Variants in FAM53A observed in about 807,000 individuals in gnomAD.
The protein encoded by FAM53A is family with sequence similarity 53 member A, also known as protein FAM53A.
In FAM53A, 28 loss-of-function variants were observed where a neutral mutation model predicts 26.6. That is an observed-to-expected ratio of 1.05 (90% CI 0.78 to 1.45). The LOEUF (loss-of-function observed/expected upper bound fraction) is 1.45, where lower values mean the gene tolerates loss of function less well. Ranked by LOEUF, FAM53A falls within the 40% of genes most tolerant of loss-of-function variation. The pLI, the probability that FAM53A is intolerant of heterozygous loss-of-function variation, is 0.00. For missense variants in FAM53A, 650 were observed against 575.8 expected (o/e 1.13, Z -1.32); for synonymous variants, 290 against 253.1 (o/e 1.15, Z -1.38).
At chr4:1,650,620 C>A (rs1455530208) in intron 4 of FAM53A, among the ~76,000 whole-genome samples, 1 of 151,992 alleles carries the variant, frequency 6.6e-6, no homozygotes, top group East Asian at 2.0e-4. Context: ...CTCAGCCTCC[C>A]AAGTAGCTAG....
chr4:1,598,738 G>A, the FAM53A span, among the ~76,000 whole-genome samples: 1 of 152,212 alleles, frequency 6.6e-6, no homozygotes, highest in Non-Finnish European at 1.5e-5. Flanking sequence ...ACCTTTTAGT[G>A]ATTGCTTCAA....
chr4:1,665,578 C>T (rs1714164142), intron 2 of FAM53A, among the ~76,000 whole-genome samples: 1 of 152,152 alleles, frequency 6.6e-6, no homozygotes, highest in Non-Finnish European at 1.5e-5. Flanking sequence ...TATTCACAGG[C>T]CGTGTTTTAA....
chr4:1,583,695 C>T, the FAM53A span, among the ~76,000 whole-genome samples: 1,626 of 152,322 alleles, frequency 0.011, 10 homozygotes, highest in Middle Eastern at 0.02. Context: ...TCCCTCCTCC[C>T]GGGGCTTGTG....
At chr4:1,614,749 T>C (rs1246865796), downstream of FAM53A, among the ~76,000 whole-genome samples, 1 of 152,086 alleles carries the variant, frequency 6.6e-6, no homozygotes, top group Non-Finnish European at 1.5e-5. Context: ...CGGCCCTGCT[T>C]TATGTGTGGC....
At chr4:1,604,056 C>T in the FAM53A span, among the ~76,000 whole-genome samples, 5 of 152,212 alleles carry the variant, frequency 3.3e-5, no homozygotes, top group East Asian at 3.9e-4. Context: ...GCCCAGGCCA[C>T]ACTGGGGCCA....
Position 1,640,593 on chromosome 4 carries a change from C to A in FAM53A, c.*700G>T. The A allele has an allele frequency of 1.1e-5, 4 of 360,974 alleles. No individual in the cohort carries two copies. The highest frequency in any genetic ancestry group is 2.1e-5 in the Non-Finnish European group (4 of 193,684). The allele number at this position is 360,974 out of a possible 1,614,324, so 22.4% of individuals were successfully genotyped here. ...AGGAAAAACTGAATCAAAATTACGC[C>A]TTAATGTTCCAAGCAACACGAAACC... On this transcript the variant is annotated 3_prime_UTR_variant, in exon 5 of 5. Coordinates refer to ENST00000308132, the MANE Select transcript of FAM53A (RefSeq NM_001174070.3).
the FAM53A span, among the ~76,000 whole-genome samples, chr4:1,598,295 C>T: frequency 2.6e-5 from 4 of 152,242 alleles, no homozygotes; most frequent in African/African-American, 9.6e-5. Context: ...GCCGCAGCTG[C>T]ATGGAGTGTG....
At position 1,680,319 on chromosome 4, in the gene FAM53A, CAAAAAAAAAAAAA is replaced by C. The variant is rs143458191; in HGVS notation, c.-165+3901_-165+3913del. On this transcript the variant is annotated intron_variant, in intron 1 of 4. Coordinates refer to ENST00000308132, the MANE Select transcript of FAM53A (RefSeq NM_001174070.3). ...GGGCAACGAGAGTGAAACTCCGTCT[CAAAAAAAAAAAAA>C]AAAAAAAAAAAAACACACCACTACA... Among the ~76,000 whole-genome samples the C allele has an allele frequency of 8.5e-5, 7 of 82,698 alleles. 1 individual carries two copies. The East Asian group carries it at 2.0e-3, about 23-fold the overall frequency. The allele number at this position is 82,698 out of a possible 152,430, so 54.3% of individuals were successfully genotyped here. A position where few individuals can be genotyped will look rare whatever the true frequency, so the allele number is the denominator to read the frequency against.
At chr4:1,647,719 G>A (rs1560148442) in intron 4 of FAM53A, among the ~76,000 whole-genome samples, 1 of 152,064 alleles carries the variant, frequency 6.6e-6, no homozygotes, top group Non-Finnish European at 1.5e-5. Flanking sequence ...GTGCACATGA[G>A]TGGGAGTGTG....
At chr4:1,603,172 C>G in the FAM53A span, among the ~76,000 whole-genome samples, 15 of 152,338 alleles carry the variant, frequency 9.8e-5, no homozygotes, top group South Asian at 2.1e-3. Flanking sequence ...CTCTCTGTGC[C>G]TCAGTTTCCT....
chr4:1,616,543 A>C (rs1714817890), downstream of FAM53A, among the ~76,000 whole-genome samples: 2 of 144,366 alleles, frequency 1.4e-5, no homozygotes, highest in African/African-American at 2.9e-5. Flanking sequence ...CAACAACAAC[A>C]ACAAAACTAA....
chr4:1,599,859 C>T, the FAM53A span, among the ~76,000 whole-genome samples: 13 of 152,200 alleles, frequency 8.5e-5, no homozygotes, highest in Admixed American at 4.6e-4. The surrounding 1 kb of genome is among the most constrained non-coding windows in gnomAD (Gnocchi z 6.1). Context: ...GGAAAGAAAA[C>T]GGCAGGGCAG....
chr4:1,598,531 C>G, the FAM53A span, among the ~76,000 whole-genome samples: 8 of 152,266 alleles, frequency 5.3e-5, no homozygotes, highest in Non-Finnish European at 8.8e-5. Context: ...AGAAGCAGTT[C>G]TGCAGGCAGC....
chr4:1,620,140 G>A (rs1462814218), intron 1 of FAM53A, among the ~76,000 whole-genome samples: 1 of 151,720 alleles, frequency 6.6e-6, no homozygotes, highest in Non-Finnish European at 1.5e-5. Flanking sequence ...CTGGGAGACA[G>A]AGGTTGCAGT....
intron 1 of FAM53A, among the ~76,000 whole-genome samples, chr4:1,677,388 C>T (rs1408507432): frequency 6.6e-6 from 1 of 152,218 alleles, no homozygotes; most frequent in Non-Finnish European, 1.5e-5. Context: ...GATCTATCCT[C>T]CGCTCCTCCA....
intron 1 of FAM53A, among the ~76,000 whole-genome samples, chr4:1,682,350 C>T (rs1273220891): frequency 6.6e-6 from 1 of 151,002 alleles, no homozygotes; most frequent in African/African-American, 2.4e-5. Flanking sequence ...GCAACCTCCG[C>T]CTCCTGGGTT....
chr4:1,581,675 C>A, the FAM53A span, among the ~76,000 whole-genome samples: 5 of 152,198 alleles, frequency 3.3e-5, no homozygotes, highest in Non-Finnish European at 5.9e-5. Context: ...TGGCTCACTG[C>A]GACCTCTGCC....
intron 1 of FAM53A, among the ~76,000 whole-genome samples, chr4:1,680,837 G>A (rs1477900178): frequency 6.6e-6 from 1 of 151,774 alleles, no homozygotes; most frequent in Non-Finnish European, 1.5e-5. Flanking sequence ...GGGGTAGAGA[G>A]AGGTGAGGCA....
At chr4:1,617,108 G>GCCATATACTCCACT (rs370124977), downstream of FAM53A, among the ~76,000 whole-genome samples, 6 of 151,040 alleles carry the variant, frequency 4.0e-5, no homozygotes, top group Non-Finnish European at 8.8e-5. Context: ...CTGCACTCCA[G>GCCATATACTCCACT]GCAACAGAGG....
Sources: allele counts gnomAD v4.1 joint callset (sites outside exome capture counted in the v4.1 genomes callset), GRCh38; gene constraint gnomAD v4.1.1; non-coding constraint Gnocchi (gnomAD v3.1); transcripts MANE v1.5; gene names NCBI Gene and HGNC (gene_info 2026-07-23, HGNC 2026-07-21).